Variants in LMX1A observed in about 807,000 individuals in gnomAD.
The protein encoded by LMX1A is LIM homeobox transcription factor 1 alpha, also known as LIM homeobox transcription factor 1-alpha.
Under a neutral mutation model 49.1 loss-of-function variants are expected in LMX1A, and 15 were observed. The ratio of observed to expected loss-of-function variants is 0.31; its 90% CI spans 0.20 to 0.47. LMX1A has a LOEUF of 0.47. Ranked by LOEUF, LMX1A falls within the 20% of genes least tolerant of loss-of-function variation. The pLI is 1.00. For missense variants in LMX1A, 372 were observed against 475.8 expected, an observed-to-expected ratio of 0.78 and a Z score of 2.03; for synonymous variants, 167 against 185.7, an observed-to-expected ratio of 0.90 and a Z score of 0.82.
At chr1:165,318,995 TCTCTCACA>T (rs1408608437) in intron 3 of LMX1A, among the ~76,000 whole-genome samples, 1 of 63,632 alleles carries the variant, frequency 1.6e-5, no homozygotes, top group African/African-American at 5.8e-5. Flanking sequence ...TCTCTCTCTC[TCTCTCACA>T]CACACACACA....
At chr1:165,280,321 T>A (rs12123156) in intron 3 of LMX1A, among the ~76,000 whole-genome samples, 2 of 152,114 alleles carry the variant, frequency 1.3e-5, no homozygotes, top group African/African-American at 4.8e-5. Context: ...AGGTAAATGG[T>A]GGTGCTTTTA....
rs147501869 is a variant in LMX1A, at chr1:165,280,907, A to G, written c.264-31267T>C. On this transcript the variant is annotated intron_variant, in intron 3 of 8. Coordinates refer to ENST00000342310, the MANE Select transcript of LMX1A (RefSeq NM_177398.4). ...GTGCATTGGATAGGGCCTTCGTAAC[A>G]GTCAATGGGGGGCAGAAACTTAAGG... 3.1e-3 allele frequency among the ~76,000 whole-genome samples: 469 copies of G among 152,168 alleles called. 5 individuals carry two copies. Among genetic ancestry groups the G allele is most frequent in the African/African-American group, 0.011 (437 of 41,518 alleles).
At chr1:165,264,737 G>A (rs190221500) in intron 3 of LMX1A, among the ~76,000 whole-genome samples, 5 of 152,062 alleles carry the variant, frequency 3.3e-5, no homozygotes, top group East Asian at 1.9e-4. Context: ...CAGGAGGAAC[G>A]CTTTAGCCCA....
intron 4 of LMX1A, among the ~76,000 whole-genome samples, chr1:165,247,929 CT>C (rs1239731365): frequency 1.3e-5 from 2 of 152,192 alleles, no homozygotes; most frequent in Non-Finnish European, 2.9e-5. Context: ...AATGGTTTTT[CT>C]TCATGTGTTT....
intron 4 of LMX1A, among the ~76,000 whole-genome samples, chr1:165,245,695 G>A (rs1442565717): frequency 1.3e-5 from 2 of 151,448 alleles, no homozygotes; most frequent in African/African-American, 4.9e-5. Context: ...TATTAATGCA[G>A]CATGTCTTTT....
At chr1:165,262,919 G>A (rs994423032) in intron 3 of LMX1A, among the ~76,000 whole-genome samples, 2 of 151,816 alleles carry the variant, frequency 1.3e-5, no homozygotes, top group Middle Eastern at 3.4e-3. Flanking sequence ...TAACAAAATT[G>A]TCGTGTGAAG....
At chr1:165,348,207 G>A (rs1656307696) in intron 3 of LMX1A, among the ~76,000 whole-genome samples, 1 of 151,882 alleles carries the variant, frequency 6.6e-6, no homozygotes, top group Admixed American at 6.6e-5. Context: ...TTTATGTAAG[G>A]ATCAAAAGAA....
At chr1:165,208,488 G>C (rs72700499) in intron 6 of LMX1A, among the ~76,000 whole-genome samples, 1 of 152,062 alleles carries the variant, frequency 6.6e-6, no homozygotes, top group African/African-American at 2.4e-5. Flanking sequence ...CTAGACGTAT[G>C]GAACAAGAGG....
At chr1:165,297,141 C>A (rs547374928) in intron 3 of LMX1A, among the ~76,000 whole-genome samples, 22 of 152,344 alleles carry the variant, frequency 1.4e-4, no homozygotes, top group Non-Finnish European at 1.9e-4. Context: ...TGAATGAGCA[C>A]GTGAAACTCC....
intron 4 of LMX1A, among the ~76,000 whole-genome samples, chr1:165,225,235 T>C (rs976815664): frequency 6.6e-6 from 1 of 152,228 alleles, no homozygotes; most frequent in Non-Finnish European, 1.5e-5. Context: ...CTGAGAAATC[T>C]TGGACAGACC....
intron 3 of LMX1A, among the ~76,000 whole-genome samples, chr1:165,272,072 C>T (rs773766908): frequency 6.6e-6 from 1 of 151,868 alleles, no homozygotes; most frequent in Non-Finnish European, 1.5e-5. Flanking sequence ...CATAAGTAAA[C>T]GTGTGCCATG....
chr1:165,217,693 G>A (rs1441653822), intron 4 of LMX1A, among the ~76,000 whole-genome samples: 3 of 152,162 alleles, frequency 2.0e-5, no homozygotes, highest in Non-Finnish European at 4.4e-5. Context: ...CACAGCCCTT[G>A]AATACTGTCC....
chr1:165,213,254 C>A (rs12040140), intron 5 of LMX1A: 20 of 171,396 alleles, frequency 1.2e-4, no homozygotes, highest in Non-Finnish European at 9.8e-5. Flanking sequence ...CCCCAAACCA[C>A]CACACCAAGT....
chr1:165,302,210 G>C (rs567167395), intron 3 of LMX1A, among the ~76,000 whole-genome samples: 1 of 151,824 alleles, frequency 6.6e-6, no homozygotes, highest in Non-Finnish European at 1.5e-5. Context: ...GGCCGGTGGG[G>C]GGCGGGGTGG....
At chr1:165,325,806 C>G (rs1425270673) in intron 3 of LMX1A, among the ~76,000 whole-genome samples, 1 of 152,154 alleles carries the variant, frequency 6.6e-6, no homozygotes, top group East Asian at 1.9e-4. Context: ...GTTAATAAAC[C>G]AGACTTCCCA....
intron 3 of LMX1A, among the ~76,000 whole-genome samples, chr1:165,351,362 G>T (rs1656421832): frequency 6.6e-6 from 1 of 152,188 alleles, no homozygotes; most frequent in South Asian, 2.1e-4. Context: ...CGAGCAATCA[G>T]CCAGAAGCTT....
intron 4 of LMX1A, among the ~76,000 whole-genome samples, chr1:165,232,791 C>T (rs963958153): frequency 1.3e-5 from 2 of 152,132 alleles, no homozygotes; most frequent in South Asian, 4.1e-4. Context: ...TCCCTCTGGT[C>T]ACACCCCAGC....
At chr1:165,323,656 C>A (rs1655485259) in intron 3 of LMX1A, among the ~76,000 whole-genome samples, 1 of 152,166 alleles carries the variant, frequency 6.6e-6, no homozygotes, top group South Asian at 2.1e-4. Flanking sequence ...AGATCTGAAT[C>A]CAAATTTACC....
Position 165,341,505 on chromosome 1 carries a change from T to C in LMX1A, c.263+11571A>G, listed in dbSNP as rs1656074369. Among the ~76,000 whole-genome samples, 5 of 152,080 alleles carry C rather than the reference T, an allele frequency of 3.3e-5. No homozygotes were observed. The South Asian group carries it at 1.0e-3, about 32-fold the overall frequency. Reference sequence around the variant, plus strand: ...AATACTATGCAAGATTATGGAGATGTAGGGATTATAAAACAAAACCAAAAC... The same window carrying C: ...AATACTATGCAAGATTATGGAGATGCAGGGATTATAAAACAAAACCAAAAC... On this transcript the variant is annotated intron_variant, in intron 3 of 8. Coordinates refer to ENST00000342310, the MANE Select transcript of LMX1A (RefSeq NM_177398.4).
Sources: gnomAD v4.1 joint callset for allele counts (sites outside exome capture counted in the v4.1 genomes callset) on GRCh38, gnomAD v4.1.1 for gene constraint, MANE v1.5 for transcripts, NCBI Gene and HGNC (gene_info 2026-07-23, HGNC 2026-07-21) for gene names.